Variants in LOXL2 observed in about 807,000 individuals in gnomAD.
LOXL2 encodes the protein lysyl oxidase homolog 2.
A neutral mutation model predicts 93.0 loss-of-function variants in LOXL2; 70 were observed. The observed-to-expected ratio is 0.75, with a 90% CI of 0.62 to 0.92. The LOEUF (loss-of-function observed/expected upper bound fraction) is 0.92, where lower values mean the gene tolerates loss of function less well. LOXL2 is among the 40% of genes least tolerant of loss of function. The pLI is 0.00. For synonymous variants in LOXL2, 438 were observed against 413.2 expected, an observed-to-expected ratio of 1.06 and a Z score of -0.73; for missense variants, 973 against 1,054.9, an observed-to-expected ratio of 0.92 and a Z score of 1.08.
intron 1 of LOXL2, among the ~76,000 whole-genome samples, chr8:23,400,463 G>A (rs765969952): frequency 2.0e-5 from 3 of 152,148 alleles, no homozygotes; most frequent in South Asian, 4.1e-4. Context: ...ACCTTTCATC[G>A]GGTCTTTCCT....
intron 1 of LOXL2, among the ~76,000 whole-genome samples, chr8:23,381,700 A>G (rs935764267): frequency 6.6e-6 from 1 of 151,918 alleles, no homozygotes; most frequent in African/African-American, 2.4e-5. Context: ...CATTTTTCAC[A>G]TTGGTATCCT....
intron 9 of LOXL2, among the ~76,000 whole-genome samples, chr8:23,310,661 G>A (rs1320449102): frequency 6.6e-6 from 1 of 152,204 alleles, no homozygotes; most frequent in Non-Finnish European, 1.5e-5. Flanking sequence ...AAGTGAAAGT[G>A]CTAGGAGAAA....
chr8:23,359,493 A>G (rs1410539424), intron 3 of LOXL2, among the ~76,000 whole-genome samples: 1 of 152,198 alleles, frequency 6.6e-6, no homozygotes, highest in Non-Finnish European at 1.5e-5. Flanking sequence ...GTCTACAGCT[A>G]GCAAGGAACC....
chr8:23,310,049 CCTT>C (rs1230190585), intron 9 of LOXL2, 138 bp from the exon 10 acceptor site: 6 of 821,320 alleles, frequency 7.3e-6, no homozygotes, highest in South Asian at 3.9e-5. Context: ...CTCAAGGTTA[CCTT>C]CTTGTTTAGC....
In LOXL2 at chr8:23,316,993, G is replaced by A. The variant is rs1242048709; in HGVS notation, c.1592C>T (p.Pro531Leu). The change falls in exon 9 of 14, where the codon CCC (proline) becomes CTC (leucine). Residue 531 changes from proline (P) to leucine (L), a missense_variant. Transcript: ENST00000389131. ...CRHDGEDVAC[P>L]QGGVQYGAGV... ...GGCCCCGTACTGCACTCCGCCCTGG[G>A]GGCAGGCCACGTCCTCCCCGTCGTG... 1 of 1,613,902 alleles carries A rather than the reference G, an allele frequency of 6.2e-7. No individual in the cohort carries two copies. The highest frequency in any genetic ancestry group is 2.2e-5 in the East Asian group (1 of 44,890).
rs187257837 is a variant in LOXL2 at position 23,309,509 on chromosome 8, G to A, written c.1880+159C>T. On this transcript the variant is annotated intron_variant, in intron 10 of 13. Transcript: ENST00000389131. ...GAGAATGGCTTCGGGAAATCTGACAGCCAGTGTGGCAGATGCAAGCCCCCC... is the reference window on the plus strand; with the variant it reads ...GAGAATGGCTTCGGGAAATCTGACAACCAGTGTGGCAGATGCAAGCCCCCC... Among the ~76,000 whole-genome samples the A allele has an allele frequency of 2.4e-3, 372 of 152,370 alleles. 1 individual carries two copies. The highest frequency in any genetic ancestry group is 8.4e-3 in the African/African-American group (349 of 41,598).
chr8:23,326,025 G>A (rs546836204), intron 6 of LOXL2, among the ~76,000 whole-genome samples: 2 of 152,210 alleles, frequency 1.3e-5, no homozygotes, highest in African/African-American at 2.4e-5. Context: ...CAGATTGCCC[G>A]ACTCACAGTC....
chr8:23,303,447 G>T, intron 10 of LOXL2, 50 bp from the exon 11 acceptor site: 1 of 1,105,320 alleles, frequency 9.0e-7, no homozygotes. Flanking sequence ...AGCAACTGCT[G>T]CTTGCAAGCA....
chr8:23,306,487 C>A (rs937269570), intron 10 of LOXL2, among the ~76,000 whole-genome samples: 1 of 152,258 alleles, frequency 6.6e-6, no homozygotes, highest in African/African-American at 2.4e-5. Context: ...CCCCCATCCC[C>A]CTGTGCCAGG....
Position 23,322,087 on chromosome 8 carries a change from G to A in LOXL2, c.1302+43C>T, listed in dbSNP as rs199612858. ...CCAGAGCTCTGTGGCTATACTTTCT[G>A]CAGCCTCAGTTACAGTCCCCTCTAG... On this transcript the variant is annotated intron_variant, in intron 7 of 13. Transcript: ENST00000389131. 219 of 1,602,426 alleles carry A rather than the reference G, an allele frequency of 1.4e-4. 2 individuals are homozygous for A. The East Asian group carries it at 2.2e-3, about 16-fold the overall frequency.
At chr8:23,398,049 T>G (rs1018801042) in intron 1 of LOXL2, among the ~76,000 whole-genome samples, 53 of 152,154 alleles carry the variant, frequency 3.5e-4, no homozygotes, top group African/African-American at 1.2e-3. Flanking sequence ...AAAAGTATCT[T>G]TCTCACTACA....
Position 23,317,082 on chromosome 8 carries a change from G to A in LOXL2, c.1503C>T (p.Ser501=), listed in dbSNP as rs1354339314. Residue 501 remains serine, a synonymous_variant, in exon 9 of 14, where the codon AGC becomes AGT. Transcript: ENST00000389131. ...ETWYWHGDVN[S]NKVVMSGVKC... is the part of the protein sequence containing the mutation. ...TCACTCCACTCATGACCACTTTGTT[G>A]CTGTTGACATCTCCGTGCCAATACC... 2.5e-6 allele frequency: 4 copies of A among 1,614,072 alleles called. No individual in the cohort carries two copies. The highest frequency in any genetic ancestry group is 3.4e-6 in the Non-Finnish European group (4 of 1,180,038).
At chr8:23,394,092 TA>T (rs1800055445) in intron 1 of LOXL2, among the ~76,000 whole-genome samples, 4 of 152,246 alleles carry the variant, frequency 2.6e-5, no homozygotes, top group Admixed American at 6.5e-5. Flanking sequence ...AATTTAACAA[TA>T]AAAAGACAAG....
chr8:23,341,990 T>C (rs1162517839), intron 3 of LOXL2, among the ~76,000 whole-genome samples: 1 of 148,728 alleles, frequency 6.7e-6, no homozygotes, highest in African/African-American at 2.4e-5. Context: ...ACCCCACCCA[T>C]CTATCTGTGG....
chr8:23,317,393 G>A (rs1337728902), intron 8 of LOXL2, among the ~76,000 whole-genome samples: 1 of 152,154 alleles, frequency 6.6e-6, no homozygotes. Context: ...TGTGTGTCAG[G>A]AATGGCAGGT....
intron 6 of LOXL2, among the ~76,000 whole-genome samples, chr8:23,327,829 G>A (rs1025801123): frequency 2.2e-4 from 33 of 152,172 alleles, no homozygotes; most frequent in African/African-American, 7.5e-4. Flanking sequence ...TCACATGAAA[G>A]ATTTGTTCAG....
intron 3 of LOXL2, among the ~76,000 whole-genome samples, chr8:23,347,628 C>T (rs1041725263): frequency 1.1e-4 from 17 of 151,950 alleles, no homozygotes; most frequent in Admixed American, 2.6e-4. Flanking sequence ...CCAGCCTGGG[C>T]GAAAGACTGA....
intron 3 of LOXL2, among the ~76,000 whole-genome samples, chr8:23,344,978 CCT>C (rs1803946382): frequency 2.0e-5 from 3 of 152,140 alleles, no homozygotes; most frequent in African/African-American, 7.2e-5. Flanking sequence ...ACCACAGCGC[CCT>C]GTGTCAGCTT....
chr8:23,313,957 A>G (rs1803353602), intron 9 of LOXL2, among the ~76,000 whole-genome samples: 2 of 88,758 alleles, frequency 2.3e-5, no homozygotes, highest in Admixed American at 1.4e-4. Flanking sequence ...CAAGAAAAAA[A>G]CAACCCCATC....
Sources: gnomAD v4.1 joint callset for allele counts (sites outside exome capture counted in the v4.1 genomes callset) on GRCh38, gnomAD v4.1.1 for gene constraint, MANE v1.5 for transcripts, NCBI Gene and HGNC (gene_info 2026-07-23, HGNC 2026-07-21) for gene names.